Variants in SLC35F1 observed in about 807,000 individuals in gnomAD.
SLC35F1 encodes solute carrier family 35 member F1.
In SLC35F1, 14 loss-of-function variants were observed where a neutral mutation model predicts 48.7. The observed-to-expected ratio is 0.29, with a 90% confidence interval of 0.19 to 0.45. The LOEUF (loss-of-function observed/expected upper bound fraction) is 0.45. Among genes scored for constraint, SLC35F1 ranks in the 20% least tolerant of loss-of-function variants. SLC35F1 has a pLI of 1.00. For missense variants in SLC35F1, 404 were observed against 500.0 expected, an observed-to-expected ratio of 0.81 and a Z score of 1.83; for synonymous variants, 190 against 202.2, an observed-to-expected ratio of 0.94 and a Z score of 0.51.
At chr6:118,140,070 G>C (rs1052033595) in intron 1 of SLC35F1, among the ~76,000 whole-genome samples, 11 of 152,142 alleles carry the variant, frequency 7.2e-5, no homozygotes, top group African/African-American at 2.7e-4. Context: ...TCTCTTATTT[G>C]GTATTTTGTC....
Position 118,235,569 on chromosome 6 carries a change from T to C in SLC35F1, c.410T>C (p.Leu137Pro). Residue 137 changes from leucine to proline, a missense_variant, in exon 3 of 8, where the codon CTC (leucine) becomes CCC (proline). Around this residue, in one of 2 missense-constraint regions of SLC35F1, gnomAD observed 306 missense variants for 419.1 expected, o/e 0.73. Coordinates refer to ENST00000360388, the MANE Select transcript of SLC35F1 (RefSeq NM_001029858.4). ...TGGTGGAAGTACATGATTTTGGGAC[T>C]CATAGACCTGGAAGCAAATTATCTG... ...RRWWKYMILG[L>P]IDLEANYLVV... The C allele has an allele frequency of 6.2e-7, 1 of 1,613,622 alleles. No individual in the cohort carries two copies. Among genetic ancestry groups the C allele is most frequent in the Non-Finnish European group, 8.5e-7 (1 of 1,179,720 alleles).
chr6:118,271,548 G>A (rs1255921924), intron 4 of SLC35F1, among the ~76,000 whole-genome samples: 2 of 152,112 alleles, frequency 1.3e-5, no homozygotes, highest in Non-Finnish European at 1.5e-5. Context: ...ACATTTTCAG[G>A]AACTGCACTG....
intron 1 of SLC35F1, among the ~76,000 whole-genome samples, chr6:118,124,382 A>G (rs1222182707): frequency 6.6e-6 from 1 of 152,208 alleles, no homozygotes; most frequent in Non-Finnish European, 1.5e-5. Context: ...AGATAAAATC[A>G]TGGAAGTGCT....
chr6:117,923,251 C>T (rs1775925005), intron 1 of SLC35F1, among the ~76,000 whole-genome samples: 1 of 151,840 alleles, frequency 6.6e-6, no homozygotes, highest in Admixed American at 6.6e-5. Flanking sequence ...GTGCTGGCAC[C>T]TCAGAATAAA....
chr6:118,153,483 CTAT>C (rs1562307456), intron 1 of SLC35F1, among the ~76,000 whole-genome samples: 1 of 152,084 alleles, frequency 6.6e-6, no homozygotes, highest in Non-Finnish European at 1.5e-5. Context: ...CTGCTTGCTT[CTAT>C]TATATTACTG....
At chr6:117,967,560 T>C (rs946837797) in intron 1 of SLC35F1, among the ~76,000 whole-genome samples, 7 of 152,190 alleles carry the variant, frequency 4.6e-5, no homozygotes, top group African/African-American at 1.7e-4. Context: ...ACTTGACAAA[T>C]TGAAGAAATC....
chr6:118,125,341 T>A (rs1481958662), intron 1 of SLC35F1, among the ~76,000 whole-genome samples: 1 of 145,344 alleles, frequency 6.9e-6, no homozygotes, highest in Non-Finnish European at 1.5e-5. Flanking sequence ...TAGACAAAAT[T>A]GTGAACGCTT....
At chr6:118,264,835 T>G (rs1775752534) in intron 3 of SLC35F1, among the ~76,000 whole-genome samples, 1 of 152,254 alleles carries the variant, frequency 6.6e-6, no homozygotes, top group Admixed American at 6.5e-5. Flanking sequence ...TACACTGAAA[T>G]AGCATCTGAG....
intron 1 of SLC35F1, among the ~76,000 whole-genome samples, chr6:118,085,017 C>T (rs1325115012): frequency 5.9e-5 from 9 of 152,088 alleles, no homozygotes; most frequent in Admixed American, 3.9e-4. Flanking sequence ...TCCCCTCTTC[C>T]GGTTGTAGGT....
chr6:118,156,669 A>AAAAATAAAATAAAAT (rs368503344), intron 2 of SLC35F1, among the ~76,000 whole-genome samples: 54,191 of 139,950 alleles, frequency 0.39, 10,752 homozygotes, highest in Middle Eastern at 0.46. Flanking sequence ...AAGTATAATA[A>AAAAATAAAATAAAAT]AAAATAAAAT....
chr6:118,237,305 A>T (rs1775377956), intron 3 of SLC35F1, among the ~76,000 whole-genome samples: 1 of 141,668 alleles, frequency 7.1e-6, no homozygotes, highest in Admixed American at 7.6e-5. Flanking sequence ...TTTGCGCAAG[A>T]CCTCATGAAT....
intron 1 of SLC35F1, among the ~76,000 whole-genome samples, chr6:118,112,711 A>T (rs1020531385): frequency 7.9e-5 from 12 of 152,154 alleles, no homozygotes; most frequent in Admixed American, 6.6e-4. Flanking sequence ...AAAATGTTTT[A>T]AAAAAATATA....
At chr6:118,197,694 C>G (rs1205046758) in intron 2 of SLC35F1, among the ~76,000 whole-genome samples, 1 of 151,866 alleles carries the variant, frequency 6.6e-6, no homozygotes, top group Non-Finnish European at 1.5e-5. Context: ...TGCAACAATT[C>G]AGTGTTGGTT....
chr6:117,965,701 A>G (rs1776553560), intron 1 of SLC35F1, among the ~76,000 whole-genome samples: 1 of 152,136 alleles, frequency 6.6e-6, no homozygotes, highest in South Asian at 2.1e-4. Flanking sequence ...GGGTGGCTTA[A>G]ATGATAGAAA....
chr6:118,297,726 A>G (rs1776208938), intron 7 of SLC35F1, among the ~76,000 whole-genome samples: 1 of 138,346 alleles, frequency 7.2e-6, no homozygotes, highest in African/African-American at 2.8e-5. Context: ...TATATTATAT[A>G]TATAAGTTCT....
At chr6:118,022,850 G>C (rs372904278) in intron 1 of SLC35F1, among the ~76,000 whole-genome samples, 2 of 150,396 alleles carry the variant, frequency 1.3e-5, no homozygotes, top group Non-Finnish European at 3.0e-5. Context: ...TCCTGGGTTC[G>C]CGCCATTCTC....
At chr6:118,114,371 T>C (rs1397866579) in intron 1 of SLC35F1, among the ~76,000 whole-genome samples, 1 of 152,198 alleles carries the variant, frequency 6.6e-6, no homozygotes, top group Non-Finnish European at 1.5e-5. Context: ...TGATATCTTA[T>C]ATTTGGCATT....
chr6:118,285,439 G>T, intron 7 of SLC35F1, 101 bp downstream of exon 7: 1 of 1,330,132 alleles, frequency 7.5e-7, no homozygotes, highest in Non-Finnish European at 1.1e-6. Flanking sequence ...TTTGTGTAGG[G>T]AATAGTAATG....
intron 3 of SLC35F1, among the ~76,000 whole-genome samples, chr6:118,261,657 A>G (rs1028246180): frequency 6.6e-6 from 1 of 152,152 alleles, no homozygotes; most frequent in Admixed American, 6.5e-5. Flanking sequence ...TTGAACTCTC[A>G]TGACTTCCAA....
Sources: gnomAD v4.1 joint callset for allele counts (sites outside exome capture counted in the v4.1 genomes callset) on GRCh38, gnomAD v4.1.1 for gene constraint, gnomAD v4.1.1 regional missense constraint, MANE v1.5 for transcripts, NCBI Gene and HGNC (gene_info 2026-07-23, HGNC 2026-07-21) for gene names.